The following WDR31 variants were observed in gnomAD, a reference collection of about 807,000 sequenced individuals.
The protein encoded by WDR31 is WD repeat-containing protein 31.
Under a neutral mutation model 47.3 loss-of-function variants are expected in WDR31, and 30 were observed. That is an observed-to-expected ratio of 0.63 (90% CI 0.47 to 0.86). The LOEUF is 0.86. WDR31 is among the 40% of genes least tolerant of loss of function. The pLI is 0.00. For missense variants in WDR31, 406 were observed against 442.9 expected, an observed-to-expected ratio of 0.92 and a Z score of 0.75; for synonymous variants, 137 against 159.4, an observed-to-expected ratio of 0.86 and a Z score of 1.06.
At chr9:113,318,438 T>G in intron 10 of WDR31, 37 bp downstream of exon 10, 1 of 1,613,024 alleles carries the variant, frequency 6.2e-7, no homozygotes, top group Non-Finnish European at 8.5e-7. Context: ...TAGGACTTCA[T>G]GTATCTTTTG....
In WDR31 at chr9:113,323,861, T is replaced by C. The variant is rs572787066; in HGVS notation, c.325-706A>G. ...ACTGTTATGACAGGTGATTCTGTTA[T>C]ACTTACGAAGAATTTGAAGTGAATC... On this transcript the variant is annotated intron_variant, in intron 5 of 10. Coordinates refer to ENST00000374193, the MANE Select transcript of WDR31 (RefSeq NM_001012361.4). 2.6e-5 allele frequency among the ~76,000 whole-genome samples: 4 copies of C among 152,344 alleles called. No homozygotes were observed. The South Asian group carries it at 6.2e-4, about 24-fold the overall frequency.
At chr9:113,317,862 T>C (rs1833241767) in intron 10 of WDR31, among the ~76,000 whole-genome samples, 1 of 152,226 alleles carries the variant, frequency 6.6e-6, no homozygotes, top group Admixed American at 6.5e-5. Flanking sequence ...TTAATTTTCA[T>C]CATGTAAATA....
intron 9 of WDR31, among the ~76,000 whole-genome samples, chr9:113,319,128 A>G (rs1833273281): frequency 6.6e-6 from 1 of 152,196 alleles, no homozygotes. Context: ...TAATGCCTAG[A>G]TGCTGAACCT....
In WDR31 at chr9:113,325,240, C is replaced by T. The variant is rs566291523; in HGVS notation, c.325-2085G>A. Among the ~76,000 whole-genome samples the T allele has an allele frequency of 5.8e-4, 88 of 152,274 alleles. 1 individual carries two copies. Among genetic ancestry groups the T allele is most frequent in the African/African-American group, 2.1e-3 (86 of 41,560 alleles). ...AAACTGCTGGGATTACAGGCATGAG[C>T]CATCGTGCCCAGCCTAGATATGTCT... On this transcript the variant is annotated intron_variant, in intron 5 of 10. Coordinates refer to ENST00000374193, the MANE Select transcript of WDR31 (RefSeq NM_001012361.4).
At chr9:113,322,544 G>A (rs1833346890) in intron 7 of WDR31, among the ~76,000 whole-genome samples, 1 of 152,158 alleles carries the variant, frequency 6.6e-6, no homozygotes, top group Non-Finnish European at 1.5e-5. Context: ...CTGGCCCACA[G>A]AAGAAACAGA....
rs1342187835 is a variant in WDR31 at position 113,314,279 on chromosome 9, A to G, written c.*2470T>C. 2 of 151,312 alleles carry G rather than the reference A, an allele frequency of 1.3e-5. No homozygotes were observed. Among genetic ancestry groups the G allele is most frequent in the Admixed American group, 1.3e-4 (2 of 15,172 alleles). The allele number at this position is 151,312 out of a possible 1,614,324, so 9.4% of individuals were successfully genotyped here. On this transcript the variant is annotated 3_prime_UTR_variant, in exon 11 of 11. Coordinates refer to ENST00000374193, the MANE Select transcript of WDR31 (RefSeq NM_001012361.4). ...GCCTAGGCTGGAGTGCAATGGCACA[A>G]TCTCAGCTCACTGCAACCTCTGCCT...
chr9:113,334,537 CTTAT>C (rs1324360410), intron 2 of WDR31, among the ~76,000 whole-genome samples: 9 of 151,064 alleles, frequency 6.0e-5, no homozygotes, highest in Non-Finnish European at 1.3e-4. Context: ...AATTAATTTA[CTTAT>C]TTATTTTATT....
intron 10 of WDR31, among the ~76,000 whole-genome samples, chr9:113,318,274 T>C (rs1194674680): frequency 6.6e-6 from 1 of 152,216 alleles, no homozygotes; most frequent in African/African-American, 2.4e-5. Flanking sequence ...CAAATCTACG[T>C]GAGTTCTCAG....
chr9:113,322,707 G>A, intron 7 of WDR31, 104 bp downstream of exon 7: 1 of 1,149,056 alleles, frequency 8.7e-7, no homozygotes, highest in Non-Finnish European at 1.2e-6. Context: ...TTGGGACCCA[G>A]GCTCTAATTT....
At chr9:113,338,779 C>T (rs1833768974) in intron 1 of WDR31, among the ~76,000 whole-genome samples, 1 of 152,072 alleles carries the variant, frequency 6.6e-6, no homozygotes, top group African/African-American at 2.4e-5. Flanking sequence ...CCACCACGCC[C>T]AGCTAATTTT....
At chr9:113,329,827 C>T (rs1328638185) in intron 4 of WDR31, among the ~76,000 whole-genome samples, 3 of 151,408 alleles carry the variant, frequency 2.0e-5, no homozygotes, top group Admixed American at 6.6e-5. Flanking sequence ...AAATAAAATA[C>T]AAAATTAGCC....
intron 10 of WDR31, among the ~76,000 whole-genome samples, chr9:113,317,245 A>G (rs974668996): frequency 6.6e-6 from 1 of 152,144 alleles, no homozygotes; most frequent in Non-Finnish European, 1.5e-5. Flanking sequence ...ACACACAAGG[A>G]TACTGATCTT....
chr9:113,327,288 T>TA (rs1367087460), intron 5 of WDR31, among the ~76,000 whole-genome samples: 1 of 152,214 alleles, frequency 6.6e-6, no homozygotes, highest in Non-Finnish European at 1.5e-5. Context: ...TATGTATATT[T>TA]AAAAAAATCT....
chr9:113,338,220 C>T (rs1833757991), intron 1 of WDR31, among the ~76,000 whole-genome samples: 1 of 152,144 alleles, frequency 6.6e-6, no homozygotes, highest in Non-Finnish European at 1.5e-5. Flanking sequence ...CAAATATACA[C>T]AGAGAACACA....
At chr9:113,322,669 G>A in intron 7 of WDR31, 142 bp downstream of exon 7, 1 of 680,734 alleles carries the variant, frequency 1.5e-6, no homozygotes, top group Non-Finnish European at 2.5e-6. Context: ...GAGAGGCCAG[G>A]GTCTCACAGC....
rs562052209 is a variant in WDR31, at chr9:113,319,276, A to G, written c.781-639T>C. ...CAAATTGAATTATGTCCAAAAAGAT[A>G]ATGAAGTTATTGGACAGCATGTTAT... is the stretch of plus-strand genomic sequence containing the variant. On this transcript the variant is annotated intron_variant, in intron 9 of 10. Coordinates refer to ENST00000374193, the MANE Select transcript of WDR31 (RefSeq NM_001012361.4). 2.6e-5 allele frequency among the ~76,000 whole-genome samples: 4 copies of G among 152,314 alleles called. No homozygotes were observed. The South Asian group carries it at 8.3e-4, about 32-fold the overall frequency.
intron 5 of WDR31, among the ~76,000 whole-genome samples, chr9:113,327,723 G>A (rs1422375463): frequency 1.1e-4 from 16 of 151,674 alleles, no homozygotes; most frequent in African/African-American, 1.5e-4. Context: ...TCCCGGCCTC[G>A]GGCGAATCAC....
At chr9:113,323,280 G>A in intron 5 of WDR31, 125 bp from the exon 6 acceptor site, 1 of 1,222,934 alleles carries the variant, frequency 8.2e-7, no homozygotes, top group Non-Finnish European at 1.1e-6. Flanking sequence ...CTTTTTTTTT[G>A]AGACGGAGTC....
intron 10 of WDR31, among the ~76,000 whole-genome samples, chr9:113,318,025 G>A (rs1833246569): frequency 6.6e-6 from 1 of 152,198 alleles, no homozygotes; most frequent in South Asian, 2.1e-4. Flanking sequence ...TTTTTTCTCT[G>A]ATGCTTTGAA....
Sources: gnomAD v4.1 joint callset for allele counts (sites outside exome capture counted in the v4.1 genomes callset) on GRCh38, gnomAD v4.1.1 for gene constraint, MANE v1.5 for transcripts, NCBI Gene and HGNC (gene_info 2026-07-23, HGNC 2026-07-21) for gene names.